Variants in PDXDC1 observed in about 807,000 individuals in gnomAD.
PDXDC1 encodes the protein pyridoxal dependent decarboxylase domain containing 1.
Under a neutral mutation model 100.1 loss-of-function variants are expected in PDXDC1, and 42 were observed. The ratio of observed to expected loss-of-function variants is 0.42; its 90% confidence interval spans 0.33 to 0.54. The LOEUF (loss-of-function observed/expected upper bound fraction) is 0.54. Ranked by LOEUF, PDXDC1 falls within the 20% of genes least tolerant of loss-of-function variation. The pLI is 0.10. For synonymous variants in PDXDC1, 260 were observed against 371.7 expected, an observed-to-expected ratio of 0.70 and a Z score of 3.46; for missense variants, 636 against 979.2, an observed-to-expected ratio of 0.65 and a Z score of 4.68.
chr16:15,061,902 T>C, intron 16 of PDXDC1: 2 of 1,609,376 alleles, frequency 1.2e-6, no homozygotes, highest in Non-Finnish European at 1.7e-6. Flanking sequence ...TCTTCCACTA[T>C]GTCCTGCAGA....
At chr16:15,084,729 AT>A (rs1402638938) in intron 16 of PDXDC1, 1 of 1,587,038 alleles carries the variant, frequency 6.3e-7, no homozygotes, top group Non-Finnish European at 8.7e-7. Context: ...AGTTCAGAGT[AT>A]GAGCATCAAA....
intron 16 of PDXDC1, chr16:15,044,913 G>A (rs1440654009): frequency 6.5e-6 from 1 of 153,024 alleles, no homozygotes; most frequent in Admixed American, 6.5e-5. Context: ...TTGAGCTCAG[G>A]AGTTTGCAAC....
chr16:15,055,934 G>C (rs1186539064), intron 16 of PDXDC1: 5 of 1,232,684 alleles, frequency 4.1e-6, no homozygotes, highest in Non-Finnish European at 5.1e-6. Context: ...GGCTGACTGC[G>C]GCAGCCGCAC....
chr16:15,144,393 A>C, the PDXDC1 span, among the ~76,000 whole-genome samples: 1 of 152,178 alleles, frequency 6.6e-6, no homozygotes, highest in Non-Finnish European at 1.5e-5. Context: ...ATTTGAAAAA[A>C]AACAGTGCAG....
chr16:14,978,691 G>C (rs907041932), intron 1 of PDXDC1, among the ~76,000 whole-genome samples: 2 of 152,296 alleles, frequency 1.3e-5, no homozygotes, highest in Admixed American at 6.5e-5. Flanking sequence ...CACCGTGCCA[G>C]GCCAAAACCT....
intron 16 of PDXDC1, among the ~76,000 whole-genome samples, chr16:15,062,477 T>TC (rs533934065): frequency 7.2e-4 from 109 of 152,304 alleles, no homozygotes; most frequent in African/African-American, 2.5e-3. Context: ...ACAAATGTGC[T>TC]CCCAAGCAAC....
intron 16 of PDXDC1, chr16:15,121,972 C>G (rs1048790079): frequency 7.5e-5 from 18 of 240,954 alleles, no homozygotes; most frequent in African/African-American, 1.4e-4. Flanking sequence ...GAAACCCAGT[C>G]TCTACTAAAA....
the PDXDC1 span, among the ~76,000 whole-genome samples, chr16:15,148,041 T>C: frequency 6.6e-6 from 1 of 150,798 alleles, no homozygotes; most frequent in Non-Finnish European, 1.5e-5. Context: ...CAGGCTGGAG[T>C]GCAGTGGCAC....
At position 15,033,389 on chromosome 16, in the gene PDXDC1, A is replaced by C. The variant is rs372060251; in HGVS notation, c.1802A>C (p.Glu601Ala). ...TIAATAREIE[E>A]NSRLLENMTE... ...GCGGCCACAGCCCGGGAGATAGAGG[A>C]GAACTCGAGGGTCCGTAGCACCCAT... Residue 601 changes from glutamate (E) to alanine (A), a missense_variant, in exon 19 of 23, where the codon GAG becomes GCG. Around this residue, in one of 4 missense-constraint regions of PDXDC1, gnomAD observed 452 missense variants for 402.9 expected, o/e 1.12. Coordinates refer to ENST00000396410, the MANE Select transcript of PDXDC1 (RefSeq NM_015027.4). 7.4e-6 allele frequency: 12 copies of C among 1,613,976 alleles called. No individual in the cohort carries two copies. The highest frequency in any genetic ancestry group is 1.0e-5 in the Non-Finnish European group (12 of 1,179,988).
intron 16 of PDXDC1, among the ~76,000 whole-genome samples, chr16:15,123,005 C>T (rs928680282): frequency 2.7e-5 from 4 of 150,770 alleles, no homozygotes; most frequent in East Asian, 2.0e-4. Flanking sequence ...CTACAGGTCA[C>T]GGAGAAGATC....
intron 16 of PDXDC1, among the ~76,000 whole-genome samples, chr16:15,128,589 T>G (rs1049433911): frequency 1.3e-5 from 2 of 152,116 alleles, no homozygotes; most frequent in Admixed American, 1.3e-4. Flanking sequence ...AGGACATGAT[T>G]AAGTTACATG....
At chr16:15,040,797 C>G (rs1344124690), downstream of PDXDC1, among the ~76,000 whole-genome samples, 1 of 152,138 alleles carries the variant, frequency 6.6e-6, no homozygotes, top group African/African-American at 2.4e-5. Flanking sequence ...TTTCCCAGCT[C>G]CTGGGAAGGG....
rs995911504 is a variant in PDXDC1 at position 15,075,846 on chromosome 16, G to C, written c.1399+45790G>C. ...TCGGGATATCCACCTCCCCACTGCT[G>C]TGAGTACTGGCGGCCAATAGCTCAC... On this transcript the variant is annotated intron_variant, in intron 16 of 16. Transcript: ENST00000535621. 7.2e-5 allele frequency among the ~76,000 whole-genome samples: 11 copies of C among 152,256 alleles called. No homozygotes were observed. In the East Asian group the frequency reaches 1.9e-3, roughly 27 times the overall value.
chr16:15,081,600 G>A (rs570892772), intron 16 of PDXDC1, among the ~76,000 whole-genome samples: 1 of 152,222 alleles, frequency 6.6e-6, no homozygotes, highest in East Asian at 1.9e-4. Context: ...ATAAAATTTA[G>A]AAATATTTCC....
chr16:15,147,285 G>A, the PDXDC1 span, among the ~76,000 whole-genome samples: 1 of 152,200 alleles, frequency 6.6e-6, no homozygotes, highest in East Asian at 1.9e-4. Context: ...ACCTCTGTCT[G>A]TCTATAAACC....
chr16:15,035,227 T>C (rs2043336613), intron 21 of PDXDC1, among the ~76,000 whole-genome samples: 1 of 152,190 alleles, frequency 6.6e-6, no homozygotes, highest in African/African-American at 2.4e-5. Context: ...GCTCCCTGGG[T>C]GTGCTTACGC....
chr16:15,131,652 C>G, intron 16 of PDXDC1: 1 of 1,582,618 alleles, frequency 6.3e-7, no homozygotes, highest in Non-Finnish European at 8.6e-7. Context: ...ACTCGGCTCC[C>G]AGCTCTGAGC....
chr16:15,047,476 T>C (rs1460908068), intron 16 of PDXDC1: 8 of 1,613,626 alleles, frequency 5.0e-6, no homozygotes, highest in Non-Finnish European at 6.8e-6. Flanking sequence ...AAGGATTTTA[T>C]GGAGTTCATG....
intron 19 of PDXDC1, among the ~76,000 whole-genome samples, chr16:15,033,765 G>T (rs922347289): frequency 2.6e-5 from 4 of 152,308 alleles, no homozygotes; most frequent in African/African-American, 9.6e-5. Flanking sequence ...ATGGGCTGTT[G>T]TATGTGTGGT....
Sources: gnomAD v4.1 joint callset for allele counts (sites outside exome capture counted in the v4.1 genomes callset) on GRCh38, gnomAD v4.1.1 for gene constraint, gnomAD v4.1.1 regional missense constraint, MANE v1.5 for transcripts, NCBI Gene and HGNC (gene_info 2026-07-23, HGNC 2026-07-21) for gene names.